Variants in LNX1 observed in about 807,000 individuals in gnomAD.
LNX1 encodes the protein E3 ubiquitin-protein ligase LNX.
A neutral mutation model predicts 68.4 loss-of-function variants in LNX1; 54 were observed. That is an observed-to-expected ratio of 0.79 (90% CI 0.63 to 0.99). The LOEUF is 0.99. Ranked by LOEUF, LNX1 falls within the 50% of genes least tolerant of loss-of-function variation. The pLI is 0.00. For missense variants in LNX1, 906 were observed against 926.4 expected, an observed-to-expected ratio of 0.98 and a Z score of 0.29; for synonymous variants, 336 against 350.0, an observed-to-expected ratio of 0.96 and a Z score of 0.45.
At chr4:53,566,995 C>G (rs1014531383) in intron 2 of LNX1, among the ~76,000 whole-genome samples, 27 of 152,008 alleles carry the variant, frequency 1.8e-4, no homozygotes, top group Non-Finnish European at 2.6e-4. Flanking sequence ...ATTCATAAAG[C>G]AAGTCCTGAG....
chr4:53,604,823 A>C (rs574765056), intron 2 of LNX1, among the ~76,000 whole-genome samples: 6 of 152,368 alleles, frequency 3.9e-5, no homozygotes, highest in African/African-American at 1.4e-4. Flanking sequence ...GACAGGTCAC[A>C]GGCCACCTTT....
intron 2 of LNX1, among the ~76,000 whole-genome samples, chr4:53,568,511 C>T (rs1170994115): frequency 1.3e-5 from 2 of 151,932 alleles, no homozygotes; most frequent in East Asian, 3.9e-4. Context: ...ATAATAAGAG[C>T]TATCTATGAC....
At chr4:53,488,028 A>G (rs1430862039) in intron 6 of LNX1, among the ~76,000 whole-genome samples, 2 of 152,208 alleles carry the variant, frequency 1.3e-5, no homozygotes, top group Non-Finnish European at 2.9e-5. Flanking sequence ...GGAAATTGTG[A>G]AGGCACTGGT....
intron 2 of LNX1, among the ~76,000 whole-genome samples, chr4:53,566,050 T>A (rs1184125263): frequency 6.6e-6 from 1 of 150,620 alleles, no homozygotes; most frequent in Non-Finnish European, 1.5e-5. Flanking sequence ...ATGGGGAGAA[T>A]GGAACCAAGT....
intron 6 of LNX1, among the ~76,000 whole-genome samples, chr4:53,485,171 C>T (rs1160169417): frequency 6.6e-6 from 1 of 152,194 alleles, no homozygotes; most frequent in Non-Finnish European, 1.5e-5. Flanking sequence ...TCTTTGGGAA[C>T]TCTCTAAAGC....
intron 1 of LNX1, among the ~76,000 whole-genome samples, chr4:53,633,484 T>C (rs539899866): frequency 1.4e-4 from 21 of 152,192 alleles, no homozygotes; most frequent in Non-Finnish European, 2.4e-4. Context: ...TGCATGACAA[T>C]ACTCAGAAAT....
chr4:53,507,175 A>G (rs557420772), intron 4 of LNX1, 142 bp downstream of exon 4: 2 of 795,320 alleles, frequency 2.5e-6, no homozygotes, highest in Non-Finnish European at 2.0e-6. Context: ...CGTGAGAAGT[A>G]GGCTAATCAA....
In LNX1 at chr4:53,578,557, C is replaced by T. The variant is rs139568259; in HGVS notation, c.-86-4469G>A. On this transcript the variant is annotated intron_variant, in intron 1 of 10. Transcript: ENST00000263925. ...TGGAGTCTGTCATTGACCAACATGT[C>T]GTTATGGGGTCCATGACTGTAGATA... 2.7e-3 allele frequency among the ~76,000 whole-genome samples: 412 copies of T among 152,232 alleles called. 3 individuals carry two copies. Among genetic ancestry groups the T allele is most frequent in the Non-Finnish European group, 3.2e-3 (215 of 68,014 alleles).
At chr4:53,607,046 A>G (rs886903224) in intron 2 of LNX1, among the ~76,000 whole-genome samples, 1 of 152,214 alleles carries the variant, frequency 6.6e-6, no homozygotes, top group Non-Finnish European at 1.5e-5. Context: ...GAAAACCTGC[A>G]CAAGACAAGG....
chr4:53,459,553 G>A lies in LNX1; in HGVS notation c.*1354C>T. Reference sequence around the variant, plus strand: ...AGAAATTTACCTTAAATCTTGTTCTGTTTGTTAGTATGAAAAGTTAACTTT... The same window carrying A: ...AGAAATTTACCTTAAATCTTGTTCTATTTGTTAGTATGAAAAGTTAACTTT... On this transcript the variant is annotated 3_prime_UTR_variant, in exon 11 of 11. Transcript: ENST00000263925. 1 of 1,497,942 alleles carries A rather than the reference G, an allele frequency of 6.7e-7. No homozygotes were observed. The highest frequency in any genetic ancestry group is 9.1e-7 in the Non-Finnish European group (1 of 1,093,780). 92.8% of individuals were successfully genotyped at this position (1,497,942 alleles called of 1,614,324 possible).
chr4:53,520,559 T>G (rs1413685726), intron 2 of LNX1, among the ~76,000 whole-genome samples: 1 of 152,000 alleles, frequency 6.6e-6, no homozygotes, highest in Non-Finnish European at 1.5e-5. Flanking sequence ...ATGATTTGAG[T>G]TTTCTGTTAT....
At chr4:53,513,681 A>C in intron 2 of LNX1, among the ~76,000 whole-genome samples, 1 of 152,190 alleles carries the variant, frequency 6.6e-6, no homozygotes, top group East Asian at 1.9e-4. Flanking sequence ...TTCAGAATCC[A>C]ACTACTTTTC....
intron 1 of LNX1, among the ~76,000 whole-genome samples, chr4:53,639,955 C>G (rs1310432573): frequency 1.3e-5 from 2 of 152,140 alleles, no homozygotes; most frequent in Admixed American, 1.3e-4. Context: ...ATTGCTTGAA[C>G]CCAGAGGCAG....
At chr4:53,496,423 C>A in intron 5 of LNX1, 29 bp from the exon 6 acceptor site, 1 of 1,534,726 alleles carries the variant, frequency 6.5e-7, no homozygotes, top group South Asian at 1.3e-5. Context: ...ATCGTGCGGT[C>A]AGCTCCACCT....
chr4:53,512,357 C>T (rs1166088243), intron 2 of LNX1, among the ~76,000 whole-genome samples: 2 of 126,210 alleles, frequency 1.6e-5, no homozygotes, highest in African/African-American at 2.9e-5. Context: ...CCAGAGATGG[C>T]ACATTCTAAT....
intron 10 of LNX1, among the ~76,000 whole-genome samples, 185 bp downstream of exon 10, chr4:53,461,250 G>GAGTT (rs1722048644): frequency 6.6e-6 from 1 of 152,070 alleles, no homozygotes; most frequent in African/African-American, 2.4e-5. Flanking sequence ...AAAGTATGGG[G>GAGTT]AGTTGTAGTA....
At chr4:53,501,299 T>TTGGGGGGGC (rs56165716) in intron 4 of LNX1, among the ~76,000 whole-genome samples, 1 of 38,792 alleles carries the variant, frequency 2.6e-5, no homozygotes, top group Non-Finnish European at 6.9e-5. Context: ...TTTTTTTTTT[T>TTGGGGGGGC]GGGGGTGGGG....
intron 1 of LNX1, 121 bp from the exon 2 acceptor site, chr4:53,574,209 G>A (rs1386370469): frequency 2.5e-6 from 2 of 789,518 alleles, no homozygotes; most frequent in Admixed American, 6.3e-5. Context: ...GAAAGCCAGG[G>A]TTGAGGGTCC....
chr4:53,511,014 G>C (rs73250970), intron 2 of LNX1, among the ~76,000 whole-genome samples: 4 of 152,202 alleles, frequency 2.6e-5, no homozygotes, highest in Non-Finnish European at 5.9e-5. Context: ...CTAAAGATAA[G>C]TTTTTGAGTC....
Sources: allele counts gnomAD v4.1 joint callset (sites outside exome capture counted in the v4.1 genomes callset), GRCh38; gene constraint gnomAD v4.1.1; transcripts MANE v1.5; gene names NCBI Gene and HGNC (gene_info 2026-07-23, HGNC 2026-07-21).